The following PDE11A variants were observed in gnomAD, a reference collection of about 807,000 sequenced individuals.
PDE11A encodes the protein phosphodiesterase 11A.
A neutral mutation model predicts 100.5 loss-of-function variants in PDE11A; 100 were observed. That is an observed-to-expected ratio of 1.00 (90% CI 0.85 to 1.18). The LOEUF is 1.18. PDE11A is among the 50% of genes most tolerant of loss of function. The pLI is 0.00. For missense variants in PDE11A, 1,141 were observed against 1,152.6 expected (o/e 0.99, Z 0.15); for synonymous variants, 381 against 420.8 (o/e 0.91, Z 1.16).
intron 1 of PDE11A, among the ~76,000 whole-genome samples, chr2:178,048,021 C>T (rs966882998): frequency 2.6e-5 from 4 of 152,134 alleles, no homozygotes; most frequent in Non-Finnish European, 5.9e-5. Context: ...CCACTGCCTA[C>T]CCAGGATGAA....
intron 6 of PDE11A, among the ~76,000 whole-genome samples, chr2:177,833,861 A>T (rs1574192645): frequency 6.6e-6 from 1 of 152,328 alleles, no homozygotes; most frequent in East Asian, 1.9e-4. Flanking sequence ...AACCTGCCCC[A>T]CAAGTGTTAC....
At chr2:177,765,420 T>C (rs1318953293) in intron 10 of PDE11A, among the ~76,000 whole-genome samples, 1 of 152,220 alleles carries the variant, frequency 6.6e-6, no homozygotes, top group East Asian at 1.9e-4. Flanking sequence ...CATTCTCCAA[T>C]AGTACAGAGT....
At chr2:177,891,974 A>C (rs562351132) in intron 4 of PDE11A, among the ~76,000 whole-genome samples, 1 of 152,336 alleles carries the variant, frequency 6.6e-6, no homozygotes, top group East Asian at 1.9e-4. Flanking sequence ...GTGAAATTAC[A>C]TGTTAACTTG....
chr2:178,036,452 T>A (rs1351069019), intron 1 of PDE11A, among the ~76,000 whole-genome samples: 1 of 152,130 alleles, frequency 6.6e-6, no homozygotes, highest in Non-Finnish European at 1.5e-5. Flanking sequence ...CTGCCCAAAG[T>A]AACGTATAGA....
intron 14 of PDE11A, 25 bp from the exon 15 acceptor site, chr2:177,697,457 C>G: frequency 9.3e-7 from 1 of 1,079,284 alleles, no homozygotes; most frequent in African/African-American, 1.5e-5. Context: ...TAAAAAGTCA[C>G]AAAAGACATT....
intron 19 of PDE11A, among the ~76,000 whole-genome samples, chr2:177,649,544 A>G (rs1288418918): frequency 3.3e-5 from 5 of 152,216 alleles, no homozygotes; most frequent in Admixed American, 2.0e-4. Context: ...CTATGCTCAT[A>G]TATGTTCATA....
At chr2:177,815,341 C>T (rs1313593224) in intron 9 of PDE11A, among the ~76,000 whole-genome samples, 2 of 152,136 alleles carry the variant, frequency 1.3e-5, no homozygotes, top group African/African-American at 2.4e-5. Context: ...AGGTAAGTGA[C>T]AGATCCAGGA....
At chr2:177,856,473 C>G (rs1474390325) in intron 5 of PDE11A, among the ~76,000 whole-genome samples, 1 of 151,762 alleles carries the variant, frequency 6.6e-6, no homozygotes, top group Non-Finnish European at 1.5e-5. Context: ...GTTGGACTTA[C>G]TAGACAAAGT....
intron 9 of PDE11A, among the ~76,000 whole-genome samples, chr2:177,795,329 G>C (rs2082690523): frequency 6.6e-6 from 1 of 152,280 alleles, no homozygotes; most frequent in African/African-American, 2.4e-5. Flanking sequence ...GGAACGGGAA[G>C]GGGCTACAAC....
intron 2 of PDE11A, among the ~76,000 whole-genome samples, chr2:177,954,379 A>C (rs905620760): frequency 4.6e-5 from 7 of 152,124 alleles, no homozygotes; most frequent in Admixed American, 6.6e-5. Context: ...GGTCCTTTTC[A>C]GGTTTATTGT....
rs1292365243 is a variant in PDE11A, at chr2:177,623,745, AAC to A, written c.*5660_*5661del. ...CAAATACTTCATTACTTAATAAAAA[AAC>A]ACATTTGTGTACTAGCGTATACAAA... On this transcript the variant is annotated 3_prime_UTR_variant, in exon 20 of 20. Transcript: ENST00000286063. The A allele has an allele frequency of 2.9e-5, 4 of 138,082 alleles. No individual in the cohort carries two copies. Among genetic ancestry groups the A allele is most frequent in the African/African-American group, 5.5e-5 (2 of 36,626 alleles). The allele number at this position is 138,082 out of a possible 1,614,324, so 8.6% of individuals were successfully genotyped here. A position where few individuals can be genotyped will look rare whatever the true frequency, so the allele number is the denominator to read the frequency against.
chr2:177,629,263 C>G lies in PDE11A; in HGVS notation c.*144G>C, dbSNP rs2079879997. The G allele has an allele frequency of 4.8e-5, 38 of 784,592 alleles. 1 individual carries two copies. The South Asian group carries it at 5.1e-4, about 11-fold the overall frequency. 48.6% of individuals were successfully genotyped at this position (784,592 alleles called of 1,614,324 possible). On this transcript the variant is annotated 3_prime_UTR_variant, in exon 20 of 20. Transcript: ENST00000286063. ...GCTCTCTCTGCTGCTGACCATGCTT[C>G]AAGGTGAAAGCCCAGGCATGCTTCC...
At chr2:177,719,224 A>G (rs2081489066) in intron 12 of PDE11A, among the ~76,000 whole-genome samples, 2 of 152,136 alleles carry the variant, frequency 1.3e-5, no homozygotes, top group Admixed American at 1.3e-4. Context: ...TTTGAACCCA[A>G]CTATCGGAAG....
intron 6 of PDE11A, among the ~76,000 whole-genome samples, chr2:177,828,908 A>G (rs1442171279): frequency 6.6e-6 from 1 of 152,120 alleles, no homozygotes; most frequent in Non-Finnish European, 1.5e-5. Flanking sequence ...GCCTCTGACT[A>G]TTGTGTTGAG....
At chr2:177,912,771 C>T (rs1448596033) in intron 2 of PDE11A, among the ~76,000 whole-genome samples, 1 of 152,204 alleles carries the variant, frequency 6.6e-6, no homozygotes, top group African/African-American at 2.4e-5. Context: ...GTTTTCTTCT[C>T]TCTTTTTCCT....
chr2:178,065,628 C>T (rs1258458659), intron 1 of PDE11A, among the ~76,000 whole-genome samples: 1 of 152,010 alleles, frequency 6.6e-6, no homozygotes, highest in African/African-American at 2.4e-5. Flanking sequence ...GGCTAGTGAA[C>T]ATGTTTGCGC....
At position 177,640,949 on chromosome 2, in the gene PDE11A, T is replaced by C. The variant is rs138429701; in HGVS notation, c.2647-11387A>G. 1.9e-3 allele frequency among the ~76,000 whole-genome samples: 291 copies of C among 152,330 alleles called. 2 individuals carry two copies. The highest frequency in any genetic ancestry group is 6.1e-3 in the African/African-American group (252 of 41,578). ...GTCCTGTCAATCCCACTTCCAAAGT[T>C]TCTTTGAACATGATTCTGTTGCCAT... On this transcript the variant is annotated intron_variant, in intron 19 of 19. Transcript: ENST00000286063.
At chr2:177,872,181 A>G (rs1183555727) in intron 5 of PDE11A, among the ~76,000 whole-genome samples, 1 of 152,224 alleles carries the variant, frequency 6.6e-6, no homozygotes, top group Non-Finnish European at 1.5e-5. Flanking sequence ...TAGGTACTCA[A>G]TATATGACTG....
chr2:177,957,910 C>CTTTTT (rs748839068), intron 2 of PDE11A, among the ~76,000 whole-genome samples: 8 of 114,480 alleles, frequency 7.0e-5, no homozygotes, highest in African/African-American at 8.1e-5. Context: ...TTTCCAATGC[C>CTTTTT]TTTTTTTTGA....
Sources: gnomAD v4.1 joint callset for allele counts (sites outside exome capture counted in the v4.1 genomes callset) on GRCh38, gnomAD v4.1.1 for gene constraint, MANE v1.5 for transcripts, NCBI Gene and HGNC (gene_info 2026-07-23, HGNC 2026-07-21) for gene names.